The following EPB41 variants were observed in gnomAD, a reference collection of about 807,000 sequenced individuals.
The protein encoded by EPB41 is erythrocyte membrane protein band 4.1.
A neutral mutation model predicts 108.0 loss-of-function variants in EPB41; 65 were observed. The ratio of observed to expected loss-of-function variants is 0.60; its 90% confidence interval spans 0.49 to 0.74. The LOEUF (loss-of-function observed/expected upper bound fraction) is 0.74, where lower values mean the gene tolerates loss of function less well. Among genes scored for constraint, EPB41 ranks in the 30% least tolerant of loss-of-function variants. The pLI is 0.00. For missense variants in EPB41, 875 were observed against 1,037.0 expected (o/e 0.84, Z 2.15); for synonymous variants, 336 against 358.9 (o/e 0.94, Z 0.72).
Position 28,887,562 on chromosome 1 carries a change from C to T in EPB41, c.-8+352C>T. 1.0e-6 allele frequency: 1 copy of T among 985,316 alleles called. No homozygotes were observed. The highest frequency in any genetic ancestry group is 1.7e-5 in the African/African-American group (1 of 57,344). The allele number at this position is 985,316 out of a possible 1,614,324, so 61.0% of individuals were successfully genotyped here. ...AGAGTCCCTGCAGGTCGGCGCAGCC[C>T]CCGGCCGCCCCCTAGCCCCGCCTTG... On this transcript the variant is annotated intron_variant, in intron 1 of 16. Coordinates refer to the EPB41 transcript ENST00000347529. The surrounding 1 kb of genome is among the most constrained non-coding windows in gnomAD (Gnocchi z 4.9).
chr1:28,941,341 C>G (rs568308687), intron 1 of EPB41, among the ~76,000 whole-genome samples: 2 of 152,182 alleles, frequency 1.3e-5, no homozygotes, highest in South Asian at 4.1e-4. Context: ...GATTGCACCA[C>G]TGCTCTCCAG....
At chr1:29,035,794 T>G in intron 9 of EPB41, 32 bp from the exon 10 acceptor site, 1 of 1,509,152 alleles carries the variant, frequency 6.6e-7, no homozygotes, top group Non-Finnish European at 9.2e-7. Flanking sequence ...CATGTAATAC[T>G]TCATGTCCCA....
intron 1 of EPB41, among the ~76,000 whole-genome samples, chr1:28,936,204 C>G (rs933745682): frequency 2.0e-5 from 3 of 152,100 alleles, no homozygotes; most frequent in African/African-American, 7.2e-5. Flanking sequence ...AAATTAGAAG[C>G]ACAATCTAAA....
chr1:29,011,291 C>T (rs1004351163), intron 4 of EPB41, among the ~76,000 whole-genome samples: 19 of 149,150 alleles, frequency 1.3e-4, no homozygotes, highest in Non-Finnish European at 1.5e-4. Flanking sequence ...CTTGAACCCA[C>T]GAGGCGGAGG....
At chr1:28,958,726 G>T (rs1252887276) in intron 1 of EPB41, among the ~76,000 whole-genome samples, 2 of 150,100 alleles carry the variant, frequency 1.3e-5, no homozygotes, top group African/African-American at 4.9e-5. Flanking sequence ...GGCTGAGGTG[G>T]GAGGATTGCT....
intron 7 of EPB41, among the ~76,000 whole-genome samples, chr1:29,030,055 G>A (rs2096769408): frequency 6.6e-6 from 1 of 152,150 alleles, no homozygotes; most frequent in Non-Finnish European, 1.5e-5. Flanking sequence ...AGCGGGAGGA[G>A]CTTATGTATG....
rs1195289620 is a variant in EPB41 at position 29,018,148 on chromosome 1, C to A, written c.906-76C>A. The A allele has an allele frequency of 7.6e-7, 1 of 1,321,308 alleles. No homozygotes were observed. The highest frequency in any genetic ancestry group is 1.1e-6 in the Non-Finnish European group (1 of 922,950). 81.8% of individuals were successfully genotyped at this position (1,321,308 alleles called of 1,614,324 possible). On this transcript the variant is annotated intron_variant, in intron 6 of 20. Transcript: ENST00000343067. This position sits in a 1 kb window ranked among gnomAD's most constrained non-coding sequence, Gnocchi z 4.4. ...TTTCTCTCTCTCCCTTTCTGTTTCT[C>A]CCCTTTTCTCCTTTTTCTCTCTTTA... is the stretch of plus-strand genomic sequence containing the variant.
intron 16 of EPB41, among the ~76,000 whole-genome samples, chr1:29,073,715 C>A (rs545512740): frequency 1.3e-5 from 2 of 152,122 alleles, no homozygotes; most frequent in Non-Finnish European, 2.9e-5. Context: ...CAGTTTCTTT[C>A]ATGCTAACAC....
At chr1:29,099,160 C>T (rs1018859576) in intron 17 of EPB41, among the ~76,000 whole-genome samples, 6 of 149,736 alleles carry the variant, frequency 4.0e-5, no homozygotes, top group African/African-American at 1.2e-4. Context: ...TACAAAAATT[C>T]GCTGGGTGTA....
chr1:28,925,245 G>A (rs928410545), intron 1 of EPB41, among the ~76,000 whole-genome samples: 2 of 152,196 alleles, frequency 1.3e-5, no homozygotes, highest in Non-Finnish European at 2.9e-5. Flanking sequence ...TTACAGGCGT[G>A]AGCCACCGCG....
intron 1 of EPB41, among the ~76,000 whole-genome samples, chr1:28,901,139 C>T (rs1185782390): frequency 2.0e-5 from 3 of 151,946 alleles, no homozygotes; most frequent in Non-Finnish European, 4.4e-5. Context: ...CTGTGTTAGC[C>T]AGGATAGTCT....
chr1:28,888,822 A>G (rs929854238), intron 1 of EPB41, among the ~76,000 whole-genome samples: 1 of 151,054 alleles, frequency 6.6e-6, no homozygotes, highest in Non-Finnish European at 1.5e-5. Flanking sequence ...AGAGACGGGG[A>G]TTCACCGTGT....
intron 17 of EPB41, among the ~76,000 whole-genome samples, chr1:29,106,321 GC>G (rs1667122306): frequency 6.6e-6 from 1 of 152,054 alleles, no homozygotes; most frequent in African/African-American, 2.4e-5. Context: ...AAAAGCTTTA[GC>G]CCTTCTGGCA....
chr1:29,035,253 G>T (rs1053896552), intron 9 of EPB41, among the ~76,000 whole-genome samples: 2 of 152,028 alleles, frequency 1.3e-5, no homozygotes, highest in African/African-American at 4.8e-5. Context: ...AAAGTGCTGG[G>T]ATTACAGGCG....
At chr1:28,930,087 GTC>G (rs2093662861) in intron 1 of EPB41, among the ~76,000 whole-genome samples, 1 of 148,184 alleles carries the variant, frequency 6.7e-6, no homozygotes. Context: ...ACTACTTTAT[GTC>G]TCTCTAGATT....
intron 1 of EPB41, among the ~76,000 whole-genome samples, chr1:28,936,532 C>G (rs1412546861): frequency 2.6e-5 from 4 of 152,200 alleles, no homozygotes; most frequent in African/African-American, 4.8e-5. Flanking sequence ...CCAAGAAACC[C>G]CTTACATGTT....
chr1:29,023,544 G>A (rs1257299647), intron 7 of EPB41, among the ~76,000 whole-genome samples: 5 of 151,360 alleles, frequency 3.3e-5, no homozygotes, highest in Non-Finnish European at 4.4e-5. Context: ...AAAATCAGCC[G>A]GGCATGGTAG....
intron 1 of EPB41, among the ~76,000 whole-genome samples, chr1:28,940,159 TAAAC>T (rs1387311276): frequency 4.6e-5 from 7 of 152,218 alleles, no homozygotes; most frequent in Non-Finnish European, 1.5e-5. Flanking sequence ...CCAGAGCTCT[TAAAC>T]AAATCGTACA....
intron 14 of EPB41, 77 bp downstream of exon 14, chr1:29,058,929 G>A: frequency 2.4e-6 from 3 of 1,231,578 alleles, no homozygotes; most frequent in South Asian, 1.4e-5. Flanking sequence ...AAAAGACAGT[G>A]ATCCATTCTT....
Sources: allele counts gnomAD v4.1 joint callset (sites outside exome capture counted in the v4.1 genomes callset), GRCh38; gene constraint gnomAD v4.1.1; non-coding constraint Gnocchi (gnomAD v3.1); transcripts MANE v1.5; gene names NCBI Gene and HGNC (gene_info 2026-07-23, HGNC 2026-07-21).